Variants in CHRM3 observed in about 807,000 individuals in gnomAD.
The protein encoded by CHRM3 is cholinergic receptor muscarinic 3, also known as muscarinic acetylcholine receptor M3.
CHRM3 carries 11 observed loss-of-function variants against 41.8 expected under a neutral mutation model. The observed-to-expected ratio is 0.26, with a 90% CI of 0.17 to 0.44. The LOEUF is 0.44. Among genes scored for constraint, CHRM3 ranks in the 20% least tolerant of loss-of-function variants. The pLI is 1.00. For missense variants in CHRM3, 571 were observed against 745.4 expected, an observed-to-expected ratio of 0.77 and a Z score of 2.72; for synonymous variants, 297 against 301.4, an observed-to-expected ratio of 0.99 and a Z score of 0.15.
intron 4 of CHRM3, among the ~76,000 whole-genome samples, chr1:239,656,602 C>T (rs1332414736): frequency 6.6e-6 from 1 of 152,114 alleles, no homozygotes; most frequent in Non-Finnish European, 1.5e-5. Context: ...GATCACACCA[C>T]TGCACTGCAA....
At chr1:239,480,060 T>G (rs2147994666) in intron 1 of CHRM3, among the ~76,000 whole-genome samples, 1 of 152,318 alleles carries the variant, frequency 6.6e-6, no homozygotes, top group African/African-American at 2.4e-5. Context: ...CAATCTGTAG[T>G]TGACTGAATC....
At chr1:239,493,128 G>GA (rs1667661199) in intron 2 of CHRM3, among the ~76,000 whole-genome samples, 1 of 152,190 alleles carries the variant, frequency 6.6e-6, no homozygotes, top group African/African-American at 2.4e-5. Context: ...TTTTTGCAAG[G>GA]AAAAAACTAA....
chr1:239,517,106 C>T (rs1192837832), intron 2 of CHRM3, among the ~76,000 whole-genome samples: 7 of 152,074 alleles, frequency 4.6e-5, no homozygotes, highest in Admixed American at 4.6e-4. Flanking sequence ...TTGAATCATC[C>T]TGAAACCACC....
chr1:239,396,605 T>C (rs1351654449), intron 1 of CHRM3, among the ~76,000 whole-genome samples: 1 of 152,046 alleles, frequency 6.6e-6, no homozygotes, highest in Non-Finnish European at 1.5e-5. Flanking sequence ...CAGAACAAGA[T>C]CCAGTCTCGA....
At chr1:239,574,697 A>G (rs1662164774) in intron 3 of CHRM3, among the ~76,000 whole-genome samples, 1 of 151,946 alleles carries the variant, frequency 6.6e-6, no homozygotes, top group Admixed American at 6.6e-5. Context: ...TCCACCATAT[A>G]TTATGTTCAA....
intron 3 of CHRM3, among the ~76,000 whole-genome samples, chr1:239,551,188 G>A (rs1297273766): frequency 8.3e-6 from 1 of 119,984 alleles, no homozygotes; most frequent in Non-Finnish European, 1.6e-5. Flanking sequence ...GGGAGTTTCG[G>A]TTTCACTCCT....
At chr1:239,593,883 A>G (rs1403016980) in intron 3 of CHRM3, among the ~76,000 whole-genome samples, 1 of 152,182 alleles carries the variant, frequency 6.6e-6, no homozygotes, top group African/African-American at 2.4e-5. Context: ...GTTCAAATCC[A>G]CCGATAAGCA....
At chr1:239,659,842 A>C (rs1430444894) in intron 4 of CHRM3, among the ~76,000 whole-genome samples, 1 of 152,188 alleles carries the variant, frequency 6.6e-6, no homozygotes, top group Non-Finnish European at 1.5e-5. Context: ...TATTCTCTTT[A>C]TTTCAGTAAT....
chr1:239,840,948 T>C (rs564254252), intron 6 of CHRM3, among the ~76,000 whole-genome samples: 1 of 152,256 alleles, frequency 6.6e-6, no homozygotes, highest in East Asian at 1.9e-4. Flanking sequence ...ATGGTGCACG[T>C]GTGGGCAGCA....
intron 1 of CHRM3, among the ~76,000 whole-genome samples, chr1:239,405,318 GT>G (rs1198442088): frequency 6.6e-6 from 1 of 151,990 alleles, no homozygotes; most frequent in Non-Finnish European, 1.5e-5. Flanking sequence ...TGCTAGTTAC[GT>G]TTTTTTAAGT....
chr1:239,807,359 A>G (rs1572357140), intron 5 of CHRM3, among the ~76,000 whole-genome samples: 1 of 152,208 alleles, frequency 6.6e-6, no homozygotes, highest in South Asian at 2.1e-4. Context: ...AACCTGAAAA[A>G]GTCACCTTGT....
intron 1 of CHRM3, among the ~76,000 whole-genome samples, chr1:239,443,418 A>C (rs1399312713): frequency 1.3e-5 from 2 of 152,176 alleles, no homozygotes; most frequent in Non-Finnish European, 2.9e-5. Flanking sequence ...ATTTCTCTAA[A>C]TAAATAATTA....
At chr1:239,594,263 T>G (rs1474760868) in intron 3 of CHRM3, among the ~76,000 whole-genome samples, 1 of 152,256 alleles carries the variant, frequency 6.6e-6, no homozygotes, top group Non-Finnish European at 1.5e-5. Context: ...CTTGGCAGTT[T>G]GTTGACTTTT....
At chr1:239,669,049 C>G (rs569375831) in intron 4 of CHRM3, among the ~76,000 whole-genome samples, 1 of 152,228 alleles carries the variant, frequency 6.6e-6, no homozygotes, top group East Asian at 1.9e-4. Context: ...TCCATCTCCC[C>G]GAAAATTCCC....
intron 3 of CHRM3, among the ~76,000 whole-genome samples, chr1:239,552,059 C>A (rs1034448588): frequency 2.6e-5 from 4 of 151,416 alleles, no homozygotes; most frequent in African/African-American, 9.7e-5. Flanking sequence ...CTTTGATATG[C>A]TCAAGTAACT....
intron 2 of CHRM3, among the ~76,000 whole-genome samples, chr1:239,499,309 C>T (rs1668075383): frequency 6.6e-6 from 1 of 152,042 alleles, no homozygotes; most frequent in Admixed American, 6.6e-5. Context: ...CAGAACTGGG[C>T]TTTCACAGGG....
intron 1 of CHRM3, among the ~76,000 whole-genome samples, chr1:239,412,911 C>G (rs58191996): frequency 0.12 from 17,740 of 151,710 alleles, 1,165 homozygotes; most frequent in African/African-American, 0.17. Flanking sequence ...AAACCCGTCT[C>G]TACTAAAAAT....
intron 5 of CHRM3, among the ~76,000 whole-genome samples, chr1:239,738,779 T>C (rs1330986746): frequency 6.6e-6 from 1 of 152,200 alleles, no homozygotes; most frequent in Non-Finnish European, 1.5e-5. Flanking sequence ...TTGTAGAGTG[T>C]ATTCTGTTCA....
chr1:239,515,589 A>G (rs946704308), intron 2 of CHRM3, among the ~76,000 whole-genome samples: 2 of 152,210 alleles, frequency 1.3e-5, no homozygotes, highest in Non-Finnish European at 2.9e-5. Context: ...TTATTTTTCC[A>G]AAAGCTTGCC....
Sources: allele counts gnomAD v4.1 joint callset (sites outside exome capture counted in the v4.1 genomes callset), GRCh38; gene constraint gnomAD v4.1.1; transcripts MANE v1.5; gene names NCBI Gene and HGNC (gene_info 2026-07-23, HGNC 2026-07-21).